DLG2: variants seen among roughly 807,000 people sequenced by gnomAD.
The protein encoded by DLG2 is discs large MAGUK scaffold protein 2.
In DLG2, 45 loss-of-function variants were observed where a neutral mutation model predicts 132.5. The ratio of observed to expected loss-of-function variants is 0.34; its 90% CI spans 0.27 to 0.44. DLG2 has a LOEUF of 0.44. Among genes scored for constraint, DLG2 ranks in the 20% least tolerant of loss-of-function variants. The pLI, the probability that DLG2 is intolerant of heterozygous loss-of-function variation, is 1.00. For missense variants in DLG2, 1,045 were observed against 1,196.9 expected (o/e 0.87, Z 1.87); for synonymous variants, 424 against 419.6 (o/e 1.01, Z -0.13).
chr11:83,982,480 T>TAAAAA (rs58418988), intron 11 of DLG2, among the ~76,000 whole-genome samples: 6 of 68,538 alleles, frequency 8.8e-5, no homozygotes, highest in African/African-American at 9.7e-5. Flanking sequence ...GTTTAACGTG[T>TAAAAA]AAAAAAAAAA....
intron 8 of DLG2, among the ~76,000 whole-genome samples, chr11:84,181,522 A>G (rs554013622): frequency 3.3e-5 from 5 of 152,150 alleles, no homozygotes; most frequent in Non-Finnish European, 7.4e-5. Context: ...TAGTAAATAC[A>G]TCAATAATCA....
At chr11:85,207,027 A>T (rs535983780) in intron 4 of DLG2, among the ~76,000 whole-genome samples, 1 of 152,150 alleles carries the variant, frequency 6.6e-6, no homozygotes. Context: ...TGGACATTTC[A>T]TCAAACACAT....
At chr11:84,674,567 CACAAA>C (rs1472686941) in intron 6 of DLG2, among the ~76,000 whole-genome samples, 3 of 152,054 alleles carry the variant, frequency 2.0e-5, no homozygotes, top group Non-Finnish European at 1.5e-5. Context: ...CAATATTTTA[CACAAA>C]ACAAAACTGA....
intron 18 of DLG2, among the ~76,000 whole-genome samples, chr11:83,770,344 T>TC (rs1566899002): frequency 2.9e-4 from 43 of 149,240 alleles, no homozygotes; most frequent in African/African-American, 1.0e-3. Context: ...AGTTCTTTAA[T>TC]TAAAAAAAAA....
chr11:84,641,418 C>A (rs1393111079), intron 6 of DLG2, among the ~76,000 whole-genome samples: 1 of 152,160 alleles, frequency 6.6e-6, no homozygotes, highest in African/African-American at 2.4e-5. Context: ...TTCTCAGTTG[C>A]CCTTCACTTT....
At chr11:84,773,094 T>G (rs1169578821) in intron 6 of DLG2, among the ~76,000 whole-genome samples, 2 of 151,780 alleles carry the variant, frequency 1.3e-5, no homozygotes, top group Non-Finnish European at 2.9e-5. Context: ...ACTAAAAAAG[T>G]GCTATTACAA....
At chr11:85,176,684 A>G (rs965015121) in intron 4 of DLG2, among the ~76,000 whole-genome samples, 2 of 152,112 alleles carry the variant, frequency 1.3e-5, no homozygotes, top group African/African-American at 4.8e-5. Context: ...ACAACCTACA[A>G]ATGGGAGAAA....
intron 3 of DLG2, among the ~76,000 whole-genome samples, chr11:85,304,528 C>A (rs1425375669): frequency 6.6e-6 from 1 of 152,098 alleles, no homozygotes; most frequent in Non-Finnish European, 1.5e-5. Context: ...AATCTGAAAT[C>A]TGAAATGCCC....
intron 19 of DLG2, among the ~76,000 whole-genome samples, chr11:83,605,001 C>G (rs1338921763): frequency 3.6e-5 from 3 of 83,622 alleles, no homozygotes; most frequent in African/African-American, 1.7e-4. Flanking sequence ...GACCAGTTTT[C>G]AAAGACAGAG....
At chr11:84,169,221 GC>G (rs2095754277) in intron 8 of DLG2, among the ~76,000 whole-genome samples, 1 of 152,088 alleles carries the variant, frequency 6.6e-6, no homozygotes, top group Admixed American at 6.6e-5. Flanking sequence ...AGAAATTTTA[GC>G]TAAAATCCCA....
At chr11:84,732,767 A>G (rs1417487512) in intron 6 of DLG2, among the ~76,000 whole-genome samples, 1 of 151,630 alleles carries the variant, frequency 6.6e-6, no homozygotes, top group Non-Finnish European at 1.5e-5. Context: ...TACATTAGGT[A>G]TATCTCCTAA....
At chr11:84,062,503 T>C (rs1434081924) in intron 10 of DLG2, among the ~76,000 whole-genome samples, 3 of 152,192 alleles carry the variant, frequency 2.0e-5, no homozygotes, top group African/African-American at 7.2e-5. Flanking sequence ...GTGAACAGAA[T>C]GGAAATTTAA....
chr11:84,803,542 T>C (rs2075664243), intron 6 of DLG2, among the ~76,000 whole-genome samples: 1 of 152,208 alleles, frequency 6.6e-6, no homozygotes, highest in Non-Finnish European at 1.5e-5. Context: ...CAGGCAGTGA[T>C]TTAGACTCAG....
chr11:84,458,549 A>G (rs975006375), intron 7 of DLG2, among the ~76,000 whole-genome samples: 7 of 150,726 alleles, frequency 4.6e-5, no homozygotes, highest in African/African-American at 1.5e-4. Context: ...ATTTGTTGTA[A>G]TTTTTGTGAA....
At chr11:83,514,985 T>C (rs1342566042) in intron 21 of DLG2, among the ~76,000 whole-genome samples, 1 of 152,112 alleles carries the variant, frequency 6.6e-6, no homozygotes, top group Non-Finnish European at 1.5e-5. Context: ...GGTCTAAAAT[T>C]CTCTTTTTTT....
intron 3 of DLG2, among the ~76,000 whole-genome samples, chr11:85,532,007 T>G (rs921639715): frequency 1.3e-5 from 2 of 152,156 alleles, no homozygotes; most frequent in African/African-American, 2.4e-5. Flanking sequence ...CCATATAATT[T>G]TATACCCATT....
intron 14 of DLG2, among the ~76,000 whole-genome samples, chr11:83,958,726 T>C (rs151285971): frequency 6.6e-6 from 1 of 152,138 alleles, no homozygotes. Flanking sequence ...CCAGTAAAGA[T>C]AGAACTCATA....
At chr11:85,046,296 CCTT>C (rs1422677264) in intron 6 of DLG2, among the ~76,000 whole-genome samples, 1 of 151,946 alleles carries the variant, frequency 6.6e-6, no homozygotes, top group African/African-American at 2.4e-5. Context: ...ACACAGTACT[CCTT>C]ACTTACTAAA....
At chr11:84,194,186 C>T (rs1198703308) in intron 8 of DLG2, among the ~76,000 whole-genome samples, 1 of 152,098 alleles carries the variant, frequency 6.6e-6, no homozygotes, top group Non-Finnish European at 1.5e-5. Context: ...TCTCTTTTCC[C>T]TTCTCTCACT....
Sources: allele counts gnomAD v4.1 joint callset (sites outside exome capture counted in the v4.1 genomes callset), GRCh38; gene constraint gnomAD v4.1.1; transcripts MANE v1.5; gene names NCBI Gene and HGNC (gene_info 2026-07-23, HGNC 2026-07-21).